MEGF11: variants seen among roughly 807,000 people sequenced by gnomAD.
The protein encoded by MEGF11 is multiple EGF like domains 11.
A neutral mutation model predicts 146.6 loss-of-function variants in MEGF11; 126 were observed. That is an observed-to-expected ratio of 0.86 (90% confidence interval 0.74 to 1.00). MEGF11 has a LOEUF of 1.00. MEGF11 is among the 50% of genes least tolerant of loss of function. The pLI, the probability that MEGF11 is intolerant of heterozygous loss-of-function variation, is 0.00. For missense variants in MEGF11, 1,509 were observed against 1,521.2 expected (o/e 0.99, Z 0.13); for synonymous variants, 532 against 583.4 (o/e 0.91, Z 1.27).
At chr15:66,056,288 G>A (rs1597036282) in intron 5 of MEGF11, among the ~76,000 whole-genome samples, 1 of 152,044 alleles carries the variant, frequency 6.6e-6, no homozygotes, top group Admixed American at 6.5e-5. Flanking sequence ...GGCAGGGTGT[G>A]GGGTGGTAAA....
At chr15:66,041,689 G>A (rs2083985902) in intron 5 of MEGF11, among the ~76,000 whole-genome samples, 1 of 152,252 alleles carries the variant, frequency 6.6e-6, no homozygotes, top group Non-Finnish European at 1.5e-5. Flanking sequence ...CCTTGTATGT[G>A]GTTTGCAAAA....
chr15:66,004,671 G>C (rs534475187), intron 5 of MEGF11, among the ~76,000 whole-genome samples: 1 of 152,174 alleles, frequency 6.6e-6, no homozygotes, highest in South Asian at 2.1e-4. Flanking sequence ...TTTGGGGGTG[G>C]TAAGAGCCCC....
chr15:66,060,618 G>A (rs1378377394), intron 5 of MEGF11, among the ~76,000 whole-genome samples: 1 of 152,114 alleles, frequency 6.6e-6, no homozygotes, highest in Non-Finnish European at 1.5e-5. Flanking sequence ...CTGTCCTCTG[G>A]GACCCCCCAA....
chr15:66,064,811 G>T (rs1456793779), intron 5 of MEGF11, among the ~76,000 whole-genome samples: 1 of 152,086 alleles, frequency 6.6e-6, no homozygotes, highest in South Asian at 2.1e-4. Flanking sequence ...TTACAGGCAT[G>T]AGCCACCACT....
intron 25 of MEGF11, 177 bp downstream of exon 25, chr15:65,898,551 C>T: frequency 1.0e-6 from 1 of 985,366 alleles, no homozygotes; most frequent in Admixed American, 6.1e-5. Context: ...AATAATTTGA[C>T]TTCCTGCATT....
At chr15:66,020,970 C>T (rs1368208847) in intron 5 of MEGF11, among the ~76,000 whole-genome samples, 3 of 126,942 alleles carry the variant, frequency 2.4e-5, no homozygotes, top group African/African-American at 9.4e-5. Context: ...CCAGCCTGGG[C>T]GACAGAGCGA....
intron 5 of MEGF11, among the ~76,000 whole-genome samples, chr15:66,029,813 T>C (rs2140229980): frequency 6.6e-6 from 1 of 152,312 alleles, no homozygotes; most frequent in South Asian, 2.1e-4. Context: ...GCTTCCGGCT[T>C]CCACTGCCTA....
intron 10 of MEGF11, among the ~76,000 whole-genome samples, chr15:65,932,774 G>C (rs1335446564): frequency 1.3e-5 from 2 of 152,034 alleles, no homozygotes; most frequent in African/African-American, 2.4e-5. Context: ...GTGGTCACTG[G>C]ATGTTGAATT....
chr15:66,003,844 T>G (rs2082438251), intron 5 of MEGF11, among the ~76,000 whole-genome samples: 1 of 152,224 alleles, frequency 6.6e-6, no homozygotes, highest in Admixed American at 6.5e-5. Context: ...CCTGCTTTCC[T>G]GTGCCTTAAA....
rs1567243654 is a variant in MEGF11 at position 66,107,062 on chromosome 15, A to ACTCC, written c.301+12023_301+12024insGGAG. 2.1e-3 allele frequency among the ~76,000 whole-genome samples: 312 copies of ACTCC among 150,346 alleles called. 1 individual carries two copies. The highest frequency in any genetic ancestry group is 6.9e-3 in the African/African-American group (279 of 40,620). On this transcript the variant is annotated intron_variant, in intron 4 of 25. Transcript: ENST00000395614. ...TCAATGTTTATATTCCTACCCCCCC[A>ACTCC]CCAGGTATAGACAGGGAGGGGATGG...
At chr15:66,068,001 C>T (rs2085205762) in intron 5 of MEGF11, among the ~76,000 whole-genome samples, 1 of 152,180 alleles carries the variant, frequency 6.6e-6, no homozygotes, top group South Asian at 2.1e-4. Flanking sequence ...CCAAATGCTT[C>T]ACTTTGCTGA....
intron 5 of MEGF11, among the ~76,000 whole-genome samples, chr15:66,061,273 C>T (rs2084895192): frequency 6.6e-6 from 1 of 152,196 alleles, no homozygotes; most frequent in Non-Finnish European, 1.5e-5. Flanking sequence ...GGGGCTGAGG[C>T]CCAGGGAGTG....
At chr15:66,176,193 T>A (rs2090384485) in intron 1 of MEGF11, among the ~76,000 whole-genome samples, 1 of 152,170 alleles carries the variant, frequency 6.6e-6, no homozygotes, top group Non-Finnish European at 1.5e-5. Context: ...AAAGGAACTC[T>A]TACAAGCTGT....
intron 1 of MEGF11, among the ~76,000 whole-genome samples, chr15:66,198,977 G>A (rs571366764): frequency 1.3e-5 from 2 of 152,198 alleles, no homozygotes; most frequent in Admixed American, 6.5e-5. Flanking sequence ...TAAGCCACTG[G>A]GTGTGACTCT....
At chr15:66,088,093 C>T (rs556678717) in intron 5 of MEGF11, among the ~76,000 whole-genome samples, 1 of 152,170 alleles carries the variant, frequency 6.6e-6, no homozygotes, top group Non-Finnish European at 1.5e-5. Context: ...GGATAAATTC[C>T]TGGAAAATTA....
At chr15:66,135,757 A>G (rs2088859960) in intron 1 of MEGF11, among the ~76,000 whole-genome samples, 1 of 152,142 alleles carries the variant, frequency 6.6e-6, no homozygotes. Flanking sequence ...TCCATCCTGT[A>G]GGGGCTCAGA....
chr15:66,106,607 C>G (rs1364793640), intron 4 of MEGF11, among the ~76,000 whole-genome samples: 1 of 152,150 alleles, frequency 6.6e-6, no homozygotes, highest in Non-Finnish European at 1.5e-5. Context: ...CAGAGTCACA[C>G]AGGCAGTAGG....
rs572384312 is a variant in MEGF11, at chr15:66,068,886, C to G, written c.394+25516G>C. Among the ~76,000 whole-genome samples, 5 of 152,358 alleles carry G rather than the reference C, an allele frequency of 3.3e-5. No homozygotes were observed. The East Asian group carries it at 9.6e-4, about 29-fold the overall frequency. ...TGAGGCACAATGTATGGGTGAAAAA[C>G]AGTGTCTGCCTGCTCTTGGGTGCCC... On this transcript the variant is annotated intron_variant, in intron 5 of 25. Transcript: ENST00000395614.
At chr15:66,176,922 T>G (rs1405253951) in intron 1 of MEGF11, among the ~76,000 whole-genome samples, 1 of 152,206 alleles carries the variant, frequency 6.6e-6, no homozygotes, top group Non-Finnish European at 1.5e-5. Flanking sequence ...CCCACAGATC[T>G]TAAGCTTCAA....
Sources: allele counts gnomAD v4.1 joint callset (sites outside exome capture counted in the v4.1 genomes callset), GRCh38; gene constraint gnomAD v4.1.1; transcripts MANE v1.5; gene names NCBI Gene and HGNC (gene_info 2026-07-23, HGNC 2026-07-21).